MGMT: variants seen among roughly 807,000 people sequenced by gnomAD.
The protein encoded by MGMT is methylated-DNA--protein-cysteine methyltransferase.
MGMT carries 14 observed loss-of-function variants against 15.9 expected under a neutral mutation model. The observed-to-expected ratio is 0.88, with a 90% CI of 0.58 to 1.37. The LOEUF (loss-of-function observed/expected upper bound fraction) is 1.37, where lower values mean the gene tolerates loss of function less well. Ranked by LOEUF, MGMT falls within the 40% of genes most tolerant of loss-of-function variation. The pLI is 0.00. For missense variants in MGMT, 282 were observed against 268.1 expected, an observed-to-expected ratio of 1.05 and a Z score of -0.36; for synonymous variants, 130 against 118.2, an observed-to-expected ratio of 1.10 and a Z score of -0.65.
rs567272869 is a variant in MGMT, at chr10:129,601,831, C to T, written c.125+65454C>T. 3.3e-5 allele frequency among the ~76,000 whole-genome samples: 5 copies of T among 152,260 alleles called. No homozygotes were observed. In the South Asian group the frequency reaches 8.3e-4, roughly 25 times the overall value. On this transcript the variant is annotated intron_variant, in intron 2 of 4. Transcript: ENST00000651593. The stretch of plus-strand genomic sequence containing the variant: ...AGGGCTTCTTGACACTTCGCAGCAA[C>T]GTAAGGATGTGGTAGTAGAGTGCTT...
At chr10:129,638,446 G>GAACAAAAAAGAAAAAAAAAAAAAAAAAAA (rs1847289155) in intron 2 of MGMT, among the ~76,000 whole-genome samples, 1 of 96,318 alleles carries the variant, frequency 1.0e-5, no homozygotes, top group Non-Finnish European at 2.1e-5. Context: ...AAAAAAAAAA[G>GAACAAAAAAGAAAAAAAAAAAAAAAAAAA]AAAAAAAAAA....
chr10:129,660,859 C>T (rs1847589538), intron 2 of MGMT, among the ~76,000 whole-genome samples: 1 of 151,942 alleles, frequency 6.6e-6, no homozygotes, highest in African/African-American at 2.4e-5. Flanking sequence ...GGGGAATGTT[C>T]GTATGTCACT....
intron 2 of MGMT, among the ~76,000 whole-genome samples, chr10:129,694,733 C>G (rs995728627): frequency 9.9e-5 from 15 of 152,038 alleles, no homozygotes; most frequent in African/African-American, 3.4e-4. Flanking sequence ...TGTAGCTGAA[C>G]CAAGTTTGAG....
intron 1 of MGMT, among the ~76,000 whole-genome samples, chr10:129,527,246 C>G (rs1173419401): frequency 6.6e-6 from 1 of 152,228 alleles, no homozygotes; most frequent in Non-Finnish European, 1.5e-5. Flanking sequence ...CTATGGTACT[C>G]TCAGCAACAC....
chr10:129,695,477 A>G (rs1335722763), intron 2 of MGMT, among the ~76,000 whole-genome samples: 3 of 152,374 alleles, frequency 2.0e-5, no homozygotes, highest in African/African-American at 7.2e-5. Context: ...GTCAATCCTC[A>G]TATAATCCAT....
chr10:129,481,357 G>C (rs1845356091), intron 1 of MGMT, among the ~76,000 whole-genome samples: 1 of 152,196 alleles, frequency 6.6e-6, no homozygotes, highest in South Asian at 2.1e-4. Flanking sequence ...TGCTGGATTT[G>C]ACGTGTGGAT....
At chr10:129,679,504 T>C (rs1239964248) in intron 2 of MGMT, among the ~76,000 whole-genome samples, 1 of 152,172 alleles carries the variant, frequency 6.6e-6, no homozygotes, top group Non-Finnish European at 1.5e-5. Flanking sequence ...AATGTTGGTA[T>C]GTTTCAATGG....
chr10:129,696,711 G>T (rs1848036518), intron 2 of MGMT, among the ~76,000 whole-genome samples: 1 of 152,254 alleles, frequency 6.6e-6, no homozygotes, highest in African/African-American at 2.4e-5. Flanking sequence ...GGAATGTGCT[G>T]GGTCGGAGCC....
chr10:129,568,806 C>T (rs1406335767), intron 2 of MGMT, among the ~76,000 whole-genome samples: 2 of 152,112 alleles, frequency 1.3e-5, no homozygotes, highest in African/African-American at 4.8e-5. Context: ...CTGCCCCCTC[C>T]TGACTGCAGC....
intron 4 of MGMT, among the ~76,000 whole-genome samples, chr10:129,764,067 G>C (rs1848905128): frequency 6.6e-6 from 1 of 152,224 alleles, no homozygotes; most frequent in African/African-American, 2.4e-5. Context: ...GGCACCGGCT[G>C]TCACCCCACA....
chr10:129,686,527 A>G (rs1201649928), intron 2 of MGMT, among the ~76,000 whole-genome samples: 1 of 151,568 alleles, frequency 6.6e-6, no homozygotes, highest in Non-Finnish European at 1.5e-5. Flanking sequence ...GGCGCCCACC[A>G]CCACATCCGA....
chr10:129,572,445 G>T (rs565471551), intron 2 of MGMT, among the ~76,000 whole-genome samples: 23 of 152,274 alleles, frequency 1.5e-4, no homozygotes, highest in African/African-American at 5.5e-4. Flanking sequence ...TGCCTTAACA[G>T]CCAGGGTCTT....
At chr10:129,626,756 C>T (rs1429855080) in intron 2 of MGMT, among the ~76,000 whole-genome samples, 1 of 152,196 alleles carries the variant, frequency 6.6e-6, no homozygotes, top group African/African-American at 2.4e-5. Flanking sequence ...AAGCGCCTTA[C>T]GTAAAGCAAC....
At chr10:129,529,336 G>T (rs528782063) in intron 1 of MGMT, among the ~76,000 whole-genome samples, 22 of 152,212 alleles carry the variant, frequency 1.4e-4, no homozygotes, top group South Asian at 4.2e-4. Context: ...AGATGGGAGT[G>T]GGGGGATGGT....
rs375872668 is a variant in MGMT at position 129,551,354 on chromosome 10, G to A, written c.125+14977G>A. On this transcript the variant is annotated intron_variant, in intron 2 of 4. Transcript: ENST00000651593. ...GATTGGACTTTCGAGAGAAGGTGGA[G>A]GAAGGTTAATAGATAGGTAGGAGAG... 2.4e-3 allele frequency among the ~76,000 whole-genome samples: 358 copies of A among 152,240 alleles called. 2 individuals are homozygous for A. The highest frequency in any genetic ancestry group is 8.3e-3 in the African/African-American group (343 of 41,532).
At chr10:129,515,631 T>C (rs548675227) in intron 1 of MGMT, among the ~76,000 whole-genome samples, 12 of 152,340 alleles carry the variant, frequency 7.9e-5, no homozygotes, top group African/African-American at 2.9e-4. Context: ...ATTTGGGCTC[T>C]GGCTCTGGGT....
chr10:129,573,319 C>A (rs1846441317), intron 2 of MGMT, among the ~76,000 whole-genome samples: 1 of 152,106 alleles, frequency 6.6e-6, no homozygotes, highest in Non-Finnish European at 1.5e-5. Flanking sequence ...TTCAGATTTA[C>A]AGAAAAGTCA....
intron 2 of MGMT, among the ~76,000 whole-genome samples, chr10:129,614,582 C>A (rs1024469484): frequency 6.6e-6 from 1 of 152,354 alleles, no homozygotes; most frequent in Admixed American, 6.5e-5. Flanking sequence ...CAAGCTGCTC[C>A]GTCTTGTCAT....
At chr10:129,629,982 C>T (rs1214177920) in intron 2 of MGMT, among the ~76,000 whole-genome samples, 4 of 152,232 alleles carry the variant, frequency 2.6e-5, no homozygotes, top group Non-Finnish European at 1.5e-5. Context: ...CGCCAAGGCC[C>T]TCACACACAC....
Sources: allele counts gnomAD v4.1 joint callset (sites outside exome capture counted in the v4.1 genomes callset), GRCh38; gene constraint gnomAD v4.1.1; transcripts MANE v1.5; gene names NCBI Gene and HGNC (gene_info 2026-07-23, HGNC 2026-07-21).